AXIN2: variants seen among roughly 807,000 people sequenced by gnomAD.
AXIN2 encodes axin-2.
A neutral mutation model predicts 74.7 loss-of-function variants in AXIN2; 21 were observed. That is an observed-to-expected ratio of 0.28 (90% CI 0.20 to 0.40). The LOEUF (loss-of-function observed/expected upper bound fraction) is 0.40, where lower values mean the gene tolerates loss of function less well. AXIN2 is among the 10% of genes least tolerant of loss of function. The pLI, the probability that AXIN2 is intolerant of heterozygous loss-of-function variation, is 1.00. For missense variants in AXIN2, 1,144 were observed against 1,111.1 expected (o/e 1.03, Z -0.42); for synonymous variants, 532 against 454.9 (o/e 1.17, Z -2.16).
At chr17:65,530,707 C>A (rs1182864500) in intron 10 of AXIN2, among the ~76,000 whole-genome samples, 2 of 152,208 alleles carry the variant, frequency 1.3e-5, no homozygotes, top group Non-Finnish European at 2.9e-5. Context: ...GCAAGCCAGC[C>A]CAGCGCAGCT....
intron 3 of AXIN2, among the ~76,000 whole-genome samples, chr17:65,546,106 T>G: frequency 4.3e-5 from 1 of 23,166 alleles, no homozygotes; most frequent in Non-Finnish European, 8.2e-5. Context: ...CCAGCCCCCC[T>G]CCCCAGCCCC....
At chr17:65,551,428 T>C (rs1371166985) in intron 2 of AXIN2, among the ~76,000 whole-genome samples, 6 of 152,064 alleles carry the variant, frequency 3.9e-5, no homozygotes, top group African/African-American at 1.4e-4. Flanking sequence ...AGTCCTGTCT[T>C]AACTGGATGG....
At position 65,558,326 on chromosome 17, in the gene AXIN2, G is replaced by A. The variant is rs761972319; in HGVS notation, c.295C>T (p.Leu99=). ...GTATCCACGCATTTCTCCCTCTCCA[G>A]GAAAGTTCGGAACAGGTAAGCACCG... The part of the protein sequence containing the change: ...QDGAYLFRTF[L]EREKCVDTLD... Residue 99 remains leucine (L), a synonymous_variant, in exon 2 of 11, where the codon CTG becomes TTG. Coordinates refer to ENST00000307078, the MANE Select transcript of AXIN2 (RefSeq NM_004655.4). 2.3e-5 allele frequency: 37 copies of A among 1,614,192 alleles called. No homozygotes were observed. The East Asian group carries it at 5.3e-4, about 23-fold the overall frequency.
intron 2 of AXIN2, among the ~76,000 whole-genome samples, chr17:65,557,072 A>G (rs1212364738): frequency 6.6e-6 from 1 of 152,218 alleles, no homozygotes; most frequent in Non-Finnish European, 1.5e-5. Context: ...CCAGGGCCCC[A>G]GTACTCCCGG....
chr17:65,539,383 GTGGC>G (rs1441471694), intron 4 of AXIN2, among the ~76,000 whole-genome samples: 1 of 152,146 alleles, frequency 6.6e-6, no homozygotes, highest in Non-Finnish European at 1.5e-5. Context: ...TCCTGTGTAG[GTGGC>G]CATTCTCACA....
Position 65,536,567 on chromosome 17 carries a change from G to A in AXIN2, c.1908-14C>T, listed in dbSNP as rs1429190642. 3.7e-6 allele frequency: 6 copies of A among 1,612,816 alleles called. No individual in the cohort carries two copies. Among genetic ancestry groups the A allele is most frequent in the South Asian group, 2.2e-5 (2 of 91,016 alleles). Reference sequence around the variant, plus strand: ...GTGCTTTGGGCACTAAACAAGGAATGAGCAGAGAGAAAACAGAAGGAAAGA... The same window carrying A: ...GTGCTTTGGGCACTAAACAAGGAATAAGCAGAGAGAAAACAGAAGGAAAGA... On this transcript the variant is annotated splice_polypyrimidine_tract_variant and intron_variant, in intron 7 of 10. Coordinates refer to ENST00000307078, the MANE Select transcript of AXIN2 (RefSeq NM_004655.4).
chr17:65,545,244 T>C (rs772194711), intron 3 of AXIN2, among the ~76,000 whole-genome samples: 4 of 152,152 alleles, frequency 2.6e-5, no homozygotes, highest in African/African-American at 9.7e-5. Context: ...CATCTAACCA[T>C]GGCTACACTT....
At chr17:65,555,632 T>A (rs1176218879) in intron 2 of AXIN2, among the ~76,000 whole-genome samples, 1 of 152,112 alleles carries the variant, frequency 6.6e-6, no homozygotes, top group Non-Finnish European at 1.5e-5. Context: ...CTAATAACAA[T>A]CCTATGACAC....
At chr17:65,542,341 T>C (rs2044056428) in intron 3 of AXIN2, among the ~76,000 whole-genome samples, 1 of 152,228 alleles carries the variant, frequency 6.6e-6, no homozygotes, top group Non-Finnish European at 1.5e-5. Context: ...ACAAAGTGGA[T>C]ACATAATTCA....
chr17:65,560,253 G>C (rs2044344205), intron 1 of AXIN2: 1 of 152,460 alleles, frequency 6.6e-6, no homozygotes, highest in African/African-American at 2.4e-5. Context: ...CGAGGGGCCC[G>C]GGCCGGGAGG....
chr17:65,553,544 G>A (rs754319422), intron 2 of AXIN2, among the ~76,000 whole-genome samples: 2 of 152,090 alleles, frequency 1.3e-5, no homozygotes, highest in African/African-American at 4.8e-5. Flanking sequence ...GTGCTCACAC[G>A]GCTTTGCACT....
chr17:65,537,297 G>C (rs1014929240), intron 6 of AXIN2, 27 bp downstream of exon 6: 6 of 1,613,406 alleles, frequency 3.7e-6, no homozygotes, highest in Non-Finnish European at 5.1e-6. Flanking sequence ...GCCCCACACG[G>C]GACACTGCGG....
chr17:65,529,834 C>A lies in AXIN2; in HGVS notation c.*142G>T. 1.4e-6 allele frequency: 2 copies of A among 1,416,716 alleles called. No homozygotes were observed. Among genetic ancestry groups the A allele is most frequent in the African/African-American group, 1.4e-5 (1 of 70,776 alleles). The allele number at this position is 1,416,716 out of a possible 1,614,324, so 87.8% of individuals were successfully genotyped here. A position where few individuals can be genotyped will look rare whatever the true frequency, so the allele number is the denominator to read the frequency against. ...CAACCTCCCCCCGCCCTCCCGAAGGCCCACTGGCCGATTCTTCCTTAGACT... is the reference window on the plus strand; with the variant it reads ...CAACCTCCCCCCGCCCTCCCGAAGGACCACTGGCCGATTCTTCCTTAGACT... On this transcript the variant is annotated 3_prime_UTR_variant, in exon 11 of 11. Coordinates refer to ENST00000307078, the MANE Select transcript of AXIN2 (RefSeq NM_004655.4).
At chr17:65,555,268 A>G (rs542711849) in intron 2 of AXIN2, among the ~76,000 whole-genome samples, 6 of 152,248 alleles carry the variant, frequency 3.9e-5, no homozygotes, top group African/African-American at 1.4e-4. Context: ...TTTCTGTTCC[A>G]TTCATTTTAC....
At chr17:65,552,399 G>GT (rs1310500634) in intron 2 of AXIN2, among the ~76,000 whole-genome samples, 3 of 152,248 alleles carry the variant, frequency 2.0e-5, no homozygotes, top group East Asian at 1.9e-4. Context: ...ATCTGGGTGC[G>GT]TAAGTAAGGC....
intron 6 of AXIN2, 76 bp from the exon 7 acceptor site, chr17:65,537,139 G>A (rs540092434): frequency 6.4e-7 from 1 of 1,562,626 alleles, no homozygotes; most frequent in South Asian, 1.1e-5. Flanking sequence ...AGACAATTCA[G>A]CAAGTCGGGG....
At chr17:65,539,818 C>G (rs1237838171) in intron 4 of AXIN2, among the ~76,000 whole-genome samples, 2 of 152,218 alleles carry the variant, frequency 1.3e-5, no homozygotes, top group Non-Finnish European at 2.9e-5. Context: ...TGGGTGCTTT[C>G]TTCCCCTCCC....
chr17:65,540,894 TC>T (rs2044031409), intron 4 of AXIN2, among the ~76,000 whole-genome samples: 1 of 152,180 alleles, frequency 6.6e-6, no homozygotes, highest in African/African-American at 2.4e-5. Context: ...CTTTGTTTTT[TC>T]TTTTGAGAAG....
Position 65,537,028 on chromosome 17 carries a change from C to T in AXIN2, c.1748G>A (p.Gly583Glu), listed in dbSNP as rs777186938. Residue 583 changes from glycine to glutamate, a missense_variant, in exon 7 of 11, where the codon GGG (glycine) becomes GAG (glutamate). This residue lies in a region of AXIN2 where 1,053 missense variants were observed against 973.5 expected (regional missense o/e 1.08). Transcript: ENST00000307078. ...SRGSTLPKRN[G>E]KGTEPGLALP... Reference sequence around the variant, plus strand: ...GGCCAGGCCCGGCTCCGTGCCTTTCCCATTGCGTTTGGGCAAGGTACTGCC... The same window carrying T: ...GGCCAGGCCCGGCTCCGTGCCTTTCTCATTGCGTTTGGGCAAGGTACTGCC... 7 of 1,609,804 alleles carry T rather than the reference C, an allele frequency of 4.3e-6. No individual in the cohort carries two copies. Among genetic ancestry groups the T allele is most frequent in the South Asian group, 2.2e-5 (2 of 91,058 alleles).
Sources: gnomAD v4.1 joint callset for allele counts (sites outside exome capture counted in the v4.1 genomes callset) on GRCh38, gnomAD v4.1.1 for gene constraint, gnomAD v4.1.1 regional missense constraint, MANE v1.5 for transcripts, NCBI Gene and HGNC (gene_info 2026-07-23, HGNC 2026-07-21) for gene names.